Variants in UBQLN1 observed in about 807,000 individuals in gnomAD.
UBQLN1 encodes ubiquilin 1.
Under a neutral mutation model 65.4 loss-of-function variants are expected in UBQLN1, and 13 were observed. That is an observed-to-expected ratio of 0.20 (90% CI 0.13 to 0.32). UBQLN1 has a LOEUF of 0.32. Ranked by LOEUF, UBQLN1 falls within the 10% of genes least tolerant of loss-of-function variation. UBQLN1 has a pLI of 1.00. For synonymous variants in UBQLN1, 267 were observed against 247.8 expected (o/e 1.08, Z -0.73); for missense variants, 561 against 724.0 (o/e 0.77, Z 2.58).
At chr9:83,706,660 C>G (rs886161612) in intron 1 of UBQLN1, among the ~76,000 whole-genome samples, 1 of 152,176 alleles carries the variant, frequency 6.6e-6, no homozygotes, top group Non-Finnish European at 1.5e-5. Flanking sequence ...TTAAATTCCA[C>G]CAAGAATCTT....
rs57550660 is a variant in UBQLN1, at chr9:83,705,246, C to CT, written c.180+2253dup. On this transcript the variant is annotated intron_variant, in intron 1 of 10. Coordinates refer to ENST00000376395, the MANE Select transcript of UBQLN1 (RefSeq NM_013438.5). ...ATATGTGCTGCTGAAGCCAGCACTC[C>CT]TTTTTTTTTTTGAAACGGAGTTTCA... Among the ~76,000 whole-genome samples the CT allele has an allele frequency of 5.5e-4, 71 of 129,386 alleles. 2 individuals carry two copies. Among genetic ancestry groups the CT allele is most frequent in the East Asian group, 1.2e-3 (6 of 4,996 alleles). 84.9% of individuals were successfully genotyped at this position (129,386 alleles called of 152,430 possible).
At chr9:83,684,327 T>C (rs982960565) in intron 2 of UBQLN1, among the ~76,000 whole-genome samples, 2 of 151,740 alleles carry the variant, frequency 1.3e-5, no homozygotes, top group Non-Finnish European at 2.9e-5. Flanking sequence ...CCCGAGTAGC[T>C]GGGACTACAG....
At position 83,661,700 on chromosome 9, in the gene UBQLN1, G is replaced by T; in HGVS notation, c.*87C>A. On this transcript the variant is annotated 3_prime_UTR_variant, in exon 11 of 11. Transcript: ENST00000376395. Reference sequence around the variant, plus strand: ...TGTTTATAACAGCACAGAATTCCAAGAGTCAAAATGAAATAAAGCAGGTAT... The same window carrying T: ...TGTTTATAACAGCACAGAATTCCAATAGTCAAAATGAAATAAAGCAGGTAT... 1 of 1,408,456 alleles carries T rather than the reference G, an allele frequency of 7.1e-7. No individual in the cohort carries two copies. The allele number at this position is 1,408,456 out of a possible 1,614,324, so 87.2% of individuals were successfully genotyped here. A position where few individuals can be genotyped will look rare whatever the true frequency, so the allele number is the denominator to read the frequency against.
At position 83,662,522 on chromosome 9, in the gene UBQLN1, A is replaced by T. The variant is rs75865570; in HGVS notation, c.1618-583T>A. 3.0e-3 allele frequency among the ~76,000 whole-genome samples: 457 copies of T among 152,254 alleles called. 1 individual carries two copies. The highest frequency in any genetic ancestry group is 0.011 in the African/African-American group (444 of 41,550). On this transcript the variant is annotated intron_variant, in intron 10 of 10. Transcript: ENST00000376395. ...TAATTCTGACATTTCAGCAGCATCA[A>T]ATCTTTTCTTCAGAAATGAAGTTAA...
chr9:83,701,625 C>A (rs1832311285), intron 1 of UBQLN1, among the ~76,000 whole-genome samples: 1 of 152,008 alleles, frequency 6.6e-6, no homozygotes, highest in Non-Finnish European at 1.5e-5. Flanking sequence ...AGTAAGATAC[C>A]ATTTCACAGC....
intron 1 of UBQLN1, among the ~76,000 whole-genome samples, chr9:83,699,118 T>C (rs1250032764): frequency 6.6e-6 from 1 of 152,078 alleles, no homozygotes; most frequent in Admixed American, 6.5e-5. Flanking sequence ...GGGGAGTTAC[T>C]GTTTAAACGG....
In UBQLN1 at chr9:83,700,494, A is replaced by G. The variant is rs375581131; in HGVS notation, c.180+7006T>C. 4.6e-5 allele frequency among the ~76,000 whole-genome samples: 7 copies of G among 152,228 alleles called. No individual in the cohort carries two copies. In the East Asian group the frequency reaches 7.7e-4, roughly 17 times the overall value. On this transcript the variant is annotated intron_variant, in intron 1 of 10. Coordinates refer to ENST00000376395, the MANE Select transcript of UBQLN1 (RefSeq NM_013438.5). Reference sequence around the variant, plus strand: ...TGGTGAACAATCACAGCCCCTCTCTAAAGAGAAGGAATCACATAAATATAC... The same window carrying G: ...TGGTGAACAATCACAGCCCCTCTCTGAAGAGAAGGAATCACATAAATATAC...
Position 83,682,972 on chromosome 9 carries a change from T to C in UBQLN1, c.427A>G (p.Thr143Ala), listed in dbSNP as rs1410549142. The C allele has an allele frequency of 1.9e-6, 3 of 1,611,160 alleles. No homozygotes were observed. Among genetic ancestry groups the C allele is most frequent in the Admixed American group, 3.3e-5 (2 of 59,952 alleles). Residue 143 changes from threonine (T) to alanine (A), a missense_variant, in exon 3 of 11, where the codon ACT becomes GCT. Around this residue, in one of 8 missense-constraint regions of UBQLN1, gnomAD observed 87 missense variants for 88.8 expected, o/e 0.98. Transcript: ENST00000376395. ...TTACCTAAACCAAAAGGGTTGCTAG[T>C]AGCAGAACCAGATGTAGAGTTACTA... Reference protein sequence around the residue: ...PNSNSTSGSATSNPFGLGGLG... With the variant: ...PNSNSTSGSAASNPFGLGGLG...
In UBQLN1 at chr9:83,665,164, T is replaced by C; in HGVS notation, c.1333-19A>G. 6.5e-7 allele frequency: 1 copy of C among 1,542,770 alleles called. No individual in the cohort carries two copies. The highest frequency in any genetic ancestry group is 1.2e-5 in the South Asian group (1 of 86,116). ...TCTGCATCTAAGGAAGAAAGAAAACTAGTGGTTACAAAGGAATTAAAATCA... is the reference window on the plus strand; with the variant it reads ...TCTGCATCTAAGGAAGAAAGAAAACCAGTGGTTACAAAGGAATTAAAATCA... On this transcript the variant is annotated intron_variant, in intron 8 of 10. Transcript: ENST00000376395.
At chr9:83,695,030 C>G (rs577037258) in intron 1 of UBQLN1, among the ~76,000 whole-genome samples, 2 of 151,918 alleles carry the variant, frequency 1.3e-5, no homozygotes, top group Non-Finnish European at 2.9e-5. Context: ...GAAAGACTAC[C>G]AAGGTAACAC....
intron 6 of UBQLN1, among the ~76,000 whole-genome samples, chr9:83,676,532 AG>A (rs1206828697): frequency 6.6e-6 from 1 of 152,224 alleles, no homozygotes; most frequent in African/African-American, 2.4e-5. Flanking sequence ...AATATAGAAC[AG>A]AATATTTTTA....
rs148867484 is a variant in UBQLN1 at position 83,669,197 on chromosome 9, G to A, written c.1236C>T (p.Asp412=). ...SMMQSLSQNP[D]LAAQMMLNNP... is the part of the protein sequence containing the mutation. ...ATTACAAACTCACCTGTGCAGCAAGGTCAGGATTCTGGCTTAGTGACTGCA... is the reference window on the plus strand; with the variant it reads ...ATTACAAACTCACCTGTGCAGCAAGATCAGGATTCTGGCTTAGTGACTGCA... Residue 412 remains aspartate, a synonymous_variant, in exon 7 of 11, where the codon GAC becomes GAT. Transcript: ENST00000376395. 1.9e-3 allele frequency: 3,052 copies of A among 1,610,284 alleles called. 5 individuals are homozygous for A. The highest frequency in any genetic ancestry group is 2.4e-3 in the Non-Finnish European group (2,800 of 1,179,260).
chr9:83,686,566 T>C (rs928365178), intron 1 of UBQLN1, among the ~76,000 whole-genome samples: 13 of 152,166 alleles, frequency 8.5e-5, no homozygotes, highest in African/African-American at 2.2e-4. Flanking sequence ...TAACAATGCA[T>C]TGCTTCCCAA....
intron 3 of UBQLN1, among the ~76,000 whole-genome samples, chr9:83,682,660 G>A (rs898357782): frequency 1.3e-5 from 2 of 152,038 alleles, no homozygotes; most frequent in African/African-American, 4.8e-5. Flanking sequence ...GCTGGCTTAC[G>A]ATTAATAACC....
chr9:83,689,645 T>A (rs1300062754), intron 1 of UBQLN1, among the ~76,000 whole-genome samples: 1 of 152,076 alleles, frequency 6.6e-6, no homozygotes, highest in Non-Finnish European at 1.5e-5. Context: ...TAACAAGAAA[T>A]CAAGTGTTGA....
chr9:83,696,836 G>A (rs1304595233), intron 1 of UBQLN1, among the ~76,000 whole-genome samples: 1 of 152,000 alleles, frequency 6.6e-6, no homozygotes, highest in Non-Finnish European at 1.5e-5. Context: ...AGGGGGGCTG[G>A]GTGAAGGAGA....
chr9:83,672,843 A>T (rs1201410448), intron 6 of UBQLN1, among the ~76,000 whole-genome samples: 10 of 152,250 alleles, frequency 6.6e-5, no homozygotes, highest in Admixed American at 2.6e-4. Flanking sequence ...AAAATGAGGT[A>T]TATCTGTATT....
At chr9:83,676,812 T>G (rs1025802900) in intron 6 of UBQLN1, among the ~76,000 whole-genome samples, 1 of 152,202 alleles carries the variant, frequency 6.6e-6, no homozygotes, top group Non-Finnish European at 1.5e-5. Flanking sequence ...CTCCATTTCT[T>G]CCTACTTATA....
intron 10 of UBQLN1, among the ~76,000 whole-genome samples, chr9:83,662,271 T>C (rs111853809): frequency 0.014 from 1,471 of 102,228 alleles, 7 homozygotes; most frequent in South Asian, 0.034. Flanking sequence ...TACATATACA[T>C]ATACACACAC....
Sources: allele counts gnomAD v4.1 joint callset (sites outside exome capture counted in the v4.1 genomes callset), GRCh38; gene constraint gnomAD v4.1.1; regional missense constraint gnomAD v4.1.1; transcripts MANE v1.5; gene names NCBI Gene and HGNC (gene_info 2026-07-23, HGNC 2026-07-21).